The following THEMIS variants were observed in gnomAD, a reference collection of about 807,000 sequenced individuals.
The protein encoded by THEMIS is thymocyte selection associated.
Under a neutral mutation model 52.6 loss-of-function variants are expected in THEMIS, and 37 were observed. The ratio of observed to expected loss-of-function variants is 0.70; its 90% CI spans 0.54 to 0.93. THEMIS has a LOEUF of 0.93. Ranked by LOEUF, THEMIS falls within the 40% of genes least tolerant of loss-of-function variation. The pLI is 0.00. For synonymous variants in THEMIS, 292 were observed against 272.7 expected (o/e 1.07, Z -0.70); for missense variants, 808 against 763.1 (o/e 1.06, Z -0.69).
At position 127,791,751 on chromosome 6, in the gene THEMIS, C is replaced by T. The variant is rs182431862; in HGVS notation, c.1758+21132G>A. On this transcript the variant is annotated intron_variant, in intron 4 of 5. Transcript: ENST00000368248. ...CACCCTTAGCCCCCACCTCACCCTC[C>T]CTCCCATGTTTGTGAGCACCCAAAA... Among the ~76,000 whole-genome samples, 6 of 152,280 alleles carry T rather than the reference C, an allele frequency of 3.9e-5. 1 individual carries two copies. The highest frequency in any genetic ancestry group is 1.9e-4 in the East Asian group (1 of 5,158).
chr6:127,723,056 C>T (rs1774417410), intron 4 of THEMIS, among the ~76,000 whole-genome samples: 1 of 151,912 alleles, frequency 6.6e-6, no homozygotes, highest in Admixed American at 6.6e-5. Flanking sequence ...TCTTCATCTC[C>T]TATCCTCAAG....
chr6:127,846,405 A>G (rs921304596), intron 2 of THEMIS, among the ~76,000 whole-genome samples: 1 of 151,912 alleles, frequency 6.6e-6, no homozygotes, highest in Non-Finnish European at 1.5e-5. Context: ...ATTCACCAAG[A>G]AAAAAAGAGA....
intron 4 of THEMIS, among the ~76,000 whole-genome samples, chr6:127,791,803 G>T (rs911131854): frequency 6.6e-6 from 1 of 152,172 alleles, no homozygotes; most frequent in East Asian, 1.9e-4. Flanking sequence ...GTGATAGGGG[G>T]CTGGTGTTTC....
chr6:127,771,758 G>A lies in THEMIS; in HGVS notation c.1758+41125C>T, dbSNP rs111905076. The stretch of plus-strand genomic sequence containing the variant: ...AAAACCAAAGATGGGATTATTTCAA[G>A]TTACACTACGAACTTTCCCCCATCC... On this transcript the variant is annotated intron_variant, in intron 4 of 5. Coordinates refer to ENST00000368248, the MANE Select transcript of THEMIS (RefSeq NM_001010923.3). 9.7e-3 allele frequency among the ~76,000 whole-genome samples: 1,475 copies of A among 152,196 alleles called. 25 individuals carry two copies. The highest frequency in any genetic ancestry group is 0.034 in the African/African-American group (1,407 of 41,550).
At chr6:127,700,773 A>C in the THEMIS span, among the ~76,000 whole-genome samples, 2 of 152,070 alleles carry the variant, frequency 1.3e-5, no homozygotes, top group Non-Finnish European at 2.9e-5. Context: ...GAATGTCTGC[A>C]TTCTTTTTTG....
chr6:127,857,260 T>C (rs1779648659), intron 1 of THEMIS, among the ~76,000 whole-genome samples: 1 of 151,964 alleles, frequency 6.6e-6, no homozygotes, highest in Admixed American at 6.6e-5. Context: ...GGCATTTAAT[T>C]ATGCAATTAC....
chr6:127,809,506 G>A (rs1441130436), intron 4 of THEMIS, among the ~76,000 whole-genome samples: 1 of 152,100 alleles, frequency 6.6e-6, no homozygotes, highest in Non-Finnish European at 1.5e-5. Context: ...CAGGTGAATT[G>A]TAGCATCCTC....
intron 1 of THEMIS, among the ~76,000 whole-genome samples, chr6:127,869,198 A>G (rs1780078701): frequency 6.6e-6 from 1 of 152,232 alleles, no homozygotes; most frequent in Non-Finnish European, 1.5e-5. Flanking sequence ...ATAGGGTTAC[A>G]TCCAAATAAA....
chr6:127,769,352 G>GT (rs200806423), intron 4 of THEMIS, among the ~76,000 whole-genome samples: 9,140 of 139,898 alleles, frequency 0.065, 402 homozygotes, highest in African/African-American at 0.12. Context: ...GTTTTTTTTT[G>GT]TTTTTTTTTT....
chr6:127,794,265 C>T (rs1418071752), intron 4 of THEMIS, among the ~76,000 whole-genome samples: 1 of 152,160 alleles, frequency 6.6e-6, no homozygotes. Context: ...ATTCTTGCTC[C>T]ACTAGTGTCT....
At chr6:127,896,260 T>C (rs1048653367) in intron 1 of THEMIS, among the ~76,000 whole-genome samples, 3 of 151,342 alleles carry the variant, frequency 2.0e-5, no homozygotes, top group African/African-American at 7.3e-5. Context: ...TTCAGTATTA[T>C]AGTAGAAGCA....
chr6:127,833,644 C>T (rs1352434633), intron 2 of THEMIS, among the ~76,000 whole-genome samples: 1 of 152,124 alleles, frequency 6.6e-6, no homozygotes, highest in African/African-American at 2.4e-5. Context: ...CCCCAGATGC[C>T]ATGGTGTGAG....
chr6:127,917,408 T>A (rs1238720157), intron 1 of THEMIS, among the ~76,000 whole-genome samples: 1 of 152,174 alleles, frequency 6.6e-6, no homozygotes, highest in Non-Finnish European at 1.5e-5. Context: ...GAATAAGATA[T>A]ACAGAATTGA....
intron 4 of THEMIS, among the ~76,000 whole-genome samples, chr6:127,774,831 G>A (rs2114455229): frequency 6.6e-6 from 1 of 152,228 alleles, no homozygotes; most frequent in East Asian, 1.9e-4. Context: ...TTTAGCAACT[G>A]GCTTCTAAAG....
At chr6:127,841,895 T>A (rs1029543076) in intron 2 of THEMIS, among the ~76,000 whole-genome samples, 29 of 151,998 alleles carry the variant, frequency 1.9e-4, no homozygotes, top group African/African-American at 6.5e-4. Flanking sequence ...GTGAGCACAG[T>A]GGGAAATAGT....
At chr6:127,873,198 C>T (rs1258893382) in intron 1 of THEMIS, among the ~76,000 whole-genome samples, 3 of 152,164 alleles carry the variant, frequency 2.0e-5, no homozygotes, top group Admixed American at 6.5e-5. Context: ...GTCTCAACAA[C>T]GTAAAGATGT....
At chr6:127,772,394 A>T (rs1002407674) in intron 4 of THEMIS, among the ~76,000 whole-genome samples, 2 of 151,972 alleles carry the variant, frequency 1.3e-5, no homozygotes, top group Non-Finnish European at 2.9e-5. Context: ...TTGTGTATTT[A>T]TTGGTTATTT....
At chr6:127,774,862 G>C (rs1298046863) in intron 4 of THEMIS, among the ~76,000 whole-genome samples, 1 of 152,296 alleles carries the variant, frequency 6.6e-6, no homozygotes, top group Non-Finnish European at 1.5e-5. Flanking sequence ...GAGGCTAGTA[G>C]GGTGAGGGTG....
chr6:127,747,583 A>G (rs1232595525), intron 4 of THEMIS, among the ~76,000 whole-genome samples: 1 of 151,628 alleles, frequency 6.6e-6, no homozygotes, highest in Non-Finnish European at 1.5e-5. Context: ...TTAACCATCT[A>G]TTGAATTACA....
Sources: gnomAD v4.1 joint callset for allele counts (sites outside exome capture counted in the v4.1 genomes callset) on GRCh38, gnomAD v4.1.1 for gene constraint, MANE v1.5 for transcripts, NCBI Gene and HGNC (gene_info 2026-07-23, HGNC 2026-07-21) for gene names.